The following PTPN3 variants were observed in gnomAD, a reference collection of about 807,000 sequenced individuals.
PTPN3 encodes the protein protein tyrosine phosphatase non-receptor type 3.
PTPN3 carries 96 observed loss-of-function variants against 132.7 expected under a neutral mutation model. The observed-to-expected ratio is 0.72, with a 90% CI of 0.61 to 0.86. The LOEUF is 0.86. Ranked by LOEUF, PTPN3 falls within the 40% of genes least tolerant of loss-of-function variation. The probability of loss-of-function intolerance (pLI) is 0.00; values close to 1 mark genes in which losing one functional copy is unlikely to be tolerated. For missense variants in PTPN3, 1,125 were observed against 1,159.6 expected (o/e 0.97, Z 0.43); for synonymous variants, 398 against 429.0 (o/e 0.93, Z 0.89).
intron 23 of PTPN3, among the ~76,000 whole-genome samples, chr9:109,382,751 G>GT (rs113019092): frequency 0.049 from 6,169 of 127,068 alleles, 173 homozygotes; most frequent in Middle Eastern, 0.12. Flanking sequence ...CATGCTGACT[G>GT]TTTTTTTTTT....
At chr9:109,473,436 C>T (rs988686886) in intron 1 of PTPN3, among the ~76,000 whole-genome samples, 1 of 152,038 alleles carries the variant, frequency 6.6e-6, no homozygotes, top group African/African-American at 2.4e-5. Flanking sequence ...TTTATAGGTT[C>T]GACACCATGA....
intron 12 of PTPN3, 126 bp from the exon 13 acceptor site, chr9:109,422,978 G>C: frequency 8.6e-7 from 1 of 1,165,248 alleles, no homozygotes. Flanking sequence ...AAGGTTATGG[G>C]GAGTAGAGGG....
At chr9:109,432,590 G>A (rs1843742739) in intron 10 of PTPN3, among the ~76,000 whole-genome samples, 1 of 152,170 alleles carries the variant, frequency 6.6e-6, no homozygotes, top group African/African-American at 2.4e-5. Flanking sequence ...GGACAGGCTG[G>A]CCTACAGGTC....
intron 3 of PTPN3, 29 bp from the exon 4 acceptor site, chr9:109,457,244 A>G (rs1386228851): frequency 6.2e-7 from 1 of 1,613,308 alleles, no homozygotes; most frequent in Non-Finnish European, 8.5e-7. Context: ...TAAAATATAA[A>G]AGCAAACCGT....
At chr9:109,502,394 G>A (rs1017334480), upstream of PTPN3, among the ~76,000 whole-genome samples, 1 of 152,226 alleles carries the variant, frequency 6.6e-6, no homozygotes, top group Non-Finnish European at 1.5e-5. Flanking sequence ...CTTATGAAGA[G>A]CCCGAGAATC....
intron 10 of PTPN3, among the ~76,000 whole-genome samples, chr9:109,430,466 T>C (rs752652317): frequency 2.2e-4 from 34 of 152,066 alleles, no homozygotes; most frequent in Non-Finnish European, 4.3e-4. Context: ...AATCTGATTA[T>C]GCACAGACAT....
intron 1 of PTPN3, among the ~76,000 whole-genome samples, chr9:109,467,612 G>C (rs1564469395): frequency 6.6e-6 from 1 of 152,220 alleles, no homozygotes; most frequent in African/African-American, 2.4e-5. Context: ...AGCTAAAGCA[G>C]AGATAGTCAC....
chr9:109,502,188 T>G (rs1046559316), upstream of PTPN3, among the ~76,000 whole-genome samples: 2 of 152,070 alleles, frequency 1.3e-5, no homozygotes, highest in African/African-American at 2.4e-5. Context: ...GGGCAGAAAA[T>G]CAGGTGCCAG....
chr9:109,396,342 G>C (rs769404084), intron 19 of PTPN3, among the ~76,000 whole-genome samples: 17 of 152,158 alleles, frequency 1.1e-4, no homozygotes, highest in Non-Finnish European at 2.1e-4. Context: ...TGTGATATTG[G>C]CCAGAGTATG....
intron 2 of PTPN3, among the ~76,000 whole-genome samples, chr9:109,462,644 C>T (rs1308010856): frequency 6.6e-6 from 1 of 151,932 alleles, no homozygotes; most frequent in East Asian, 2.0e-4. Flanking sequence ...AGCCATGGTC[C>T]CAGTATCTTC....
rs1847259271 is a variant in PTPN3 at position 109,487,331 on chromosome 9, A to G, written c.-18+10888T>C. Among the ~76,000 whole-genome samples the G allele has an allele frequency of 2.6e-5, 4 of 152,224 alleles. No individual in the cohort carries two copies. The South Asian group carries it at 6.2e-4, about 24-fold the overall frequency. On this transcript the variant is annotated intron_variant, in intron 1 of 25. Coordinates refer to ENST00000374541, the MANE Select transcript of PTPN3 (RefSeq NM_002829.4). ...AGCAGTCCCTGGCCACTGTGGCAAG[A>G]GCAGGGAGGGCCCCCCTGGCCGCAA... is the stretch of plus-strand genomic sequence containing the variant.
At chr9:109,419,643 A>G (rs947641730) in intron 14 of PTPN3, among the ~76,000 whole-genome samples, 1 of 152,232 alleles carries the variant, frequency 6.6e-6, no homozygotes, top group Non-Finnish European at 1.5e-5. Context: ...CCATATAACA[A>G]AGGCAAATGA....
chr9:109,505,132 GTGTGATCCAGGAGCCA>G, the PTPN3 span, among the ~76,000 whole-genome samples: 1 of 152,226 alleles, frequency 6.6e-6, no homozygotes, highest in Non-Finnish European at 1.5e-5. Flanking sequence ...GTTTCTGGAA[GTGTGATCCAGGAGCCA>G]TGTAGATCAC....
intron 1 of PTPN3, among the ~76,000 whole-genome samples, chr9:109,488,288 C>T (rs1473089813): frequency 2.0e-5 from 3 of 151,688 alleles, no homozygotes; most frequent in Non-Finnish European, 3.0e-5. Context: ...TTAGTAGAGG[C>T]GGGGTTTTGC....
the PTPN3 span, chr9:109,533,771 G>C: frequency 1.5e-5 from 20 of 1,317,178 alleles, no homozygotes; most frequent in Non-Finnish European, 2.0e-5. Context: ...CCTGCTGTAG[G>C]GCCGGCGTGG....
At chr9:109,391,085 C>T (rs1840040388) in intron 21 of PTPN3, 53 bp downstream of exon 21, 11 of 1,524,682 alleles carry the variant, frequency 7.2e-6, no homozygotes, top group African/African-American at 1.4e-5. Flanking sequence ...CCCTCATCAT[C>T]GTTGCGACAG....
chr9:109,474,788 C>T (rs1395921134), intron 1 of PTPN3, among the ~76,000 whole-genome samples: 1 of 152,102 alleles, frequency 6.6e-6, no homozygotes, highest in Non-Finnish European at 1.5e-5. Context: ...CAATGTAAGG[C>T]TGTGGGAAAG....
rs1052685382 is a variant in PTPN3, at chr9:109,450,521, T to C, written c.369-1666A>G. Reference sequence around the variant, plus strand: ...CCACTCACCAAATGCTGCCTTGTCATATATTGAGCAAAGTTTCTGAGTCAA... The same window carrying C: ...CCACTCACCAAATGCTGCCTTGTCACATATTGAGCAAAGTTTCTGAGTCAA... On this transcript the variant is annotated intron_variant, in intron 5 of 25. Coordinates refer to ENST00000374541, the MANE Select transcript of PTPN3 (RefSeq NM_002829.4). 3.0e-6 allele frequency: 3 copies of C among 985,100 alleles called. No homozygotes were observed. The African/African-American group carries it at 5.2e-5, about 17-fold the overall frequency. The allele number at this position is 985,100 out of a possible 1,614,324, so 61.0% of individuals were successfully genotyped here.
Position 109,413,482 on chromosome 9 carries a change from G to A in PTPN3, c.1314-3067C>T, listed in dbSNP as rs1449917450. The stretch of plus-strand genomic sequence containing the variant: ...ACAGCACAGGGTGGCCAGGGGTGAA[G>A]GCACCAAAGCCCTAGTGCCTCCTCT... On this transcript the variant is annotated intron_variant, in intron 14 of 25. Transcript: ENST00000374541. Among the ~76,000 whole-genome samples, 4 of 152,312 alleles carry A rather than the reference G, an allele frequency of 2.6e-5. No individual in the cohort carries two copies. The East Asian group carries it at 7.7e-4, about 29-fold the overall frequency.
Sources: allele counts gnomAD v4.1 joint callset (sites outside exome capture counted in the v4.1 genomes callset), GRCh38; gene constraint gnomAD v4.1.1; transcripts MANE v1.5; gene names NCBI Gene and HGNC (gene_info 2026-07-23, HGNC 2026-07-21).